C11orf65: variants seen among roughly 807,000 people sequenced by gnomAD.
The protein encoded by C11orf65 is protein MFI.
Under a neutral mutation model 35.3 loss-of-function variants are expected in C11orf65, and 38 were observed. That is an observed-to-expected ratio of 1.08 (90% CI 0.83 to 1.41). The LOEUF (loss-of-function observed/expected upper bound fraction) is 1.41, where lower values mean the gene tolerates loss of function less well. Among genes scored for constraint, C11orf65 ranks in the 40% most tolerant of loss-of-function variants. The probability of loss-of-function intolerance (pLI) is 0.00; values close to 1 mark genes in which losing one functional copy is unlikely to be tolerated. For missense variants in C11orf65, 370 were observed against 367.1 expected (o/e 1.01, Z -0.06); for synonymous variants, 105 against 114.4 (o/e 0.92, Z 0.53).
At chr11:108,433,670 A>T (rs1294631682) in intron 2 of C11orf65, among the ~76,000 whole-genome samples, 6 of 152,226 alleles carry the variant, frequency 3.9e-5, no homozygotes, top group Non-Finnish European at 8.8e-5. Flanking sequence ...TTATCTTGGA[A>T]GTCACAGCAA....
At chr11:108,423,969 C>G (rs541124304) in intron 3 of C11orf65, among the ~76,000 whole-genome samples, 1 of 152,176 alleles carries the variant, frequency 6.6e-6, no homozygotes, top group African/African-American at 2.4e-5. Context: ...CACTAAAAGG[C>G]AGAAAATTCC....
intron 8 of C11orf65, among the ~76,000 whole-genome samples, chr11:108,384,004 A>G (rs1343730814): frequency 6.6e-6 from 1 of 151,976 alleles, no homozygotes; most frequent in African/African-American, 2.4e-5. Flanking sequence ...CAAGGACTAC[A>G]GGTGTATGCC....
intron 2 of C11orf65, among the ~76,000 whole-genome samples, chr11:108,460,139 A>C (rs2093456064): frequency 6.6e-6 from 1 of 152,144 alleles, no homozygotes; most frequent in African/African-American, 2.4e-5. Flanking sequence ...GTTAGAAATC[A>C]ACATAGTTAT....
chr11:108,331,469 A>T lies in C11orf65; in HGVS notation c.*81T>A, dbSNP rs1555123994. ...AGAGACGGAATGAAGATTCCAACATATAAATTTTTGCCTCTTATGTACCAA... is the reference window on the plus strand; with the variant it reads ...AGAGACGGAATGAAGATTCCAACATTTAAATTTTTGCCTCTTATGTACCAA... On this transcript the variant is annotated 3_prime_UTR_variant, in exon 4 of 4. Coordinates refer to the C11orf65 transcript ENST00000524755. 6.2e-7 allele frequency: 1 copy of T among 1,613,494 alleles called. No homozygotes were observed.
At chr11:108,448,327 A>G (rs564615632) in intron 2 of C11orf65, among the ~76,000 whole-genome samples, 1 of 152,284 alleles carries the variant, frequency 6.6e-6, no homozygotes, top group African/African-American at 2.4e-5. Context: ...CAGAGACACA[A>G]CCGAAAAAGA....
intron 8 of C11orf65, among the ~76,000 whole-genome samples, 197 bp downstream of exon 8, chr11:108,385,723 A>T (rs2091979261): frequency 6.6e-6 from 1 of 152,178 alleles, no homozygotes; most frequent in Non-Finnish European, 1.5e-5. Flanking sequence ...CACTTTATTC[A>T]AACTTAAATA....
intron 1 of C11orf65, among the ~76,000 whole-genome samples, chr11:108,465,995 AAACAAC>A (rs1223328038): frequency 1.0e-5 from 1 of 99,430 alleles, no homozygotes; most frequent in Non-Finnish European, 2.0e-5. Context: ...AAAAAAAAAA[AAACAAC>A]AACAACAACA....
downstream of C11orf65, among the ~76,000 whole-genome samples, chr11:108,379,368 A>G (rs568593420): frequency 6.6e-6 from 1 of 151,822 alleles, no homozygotes; most frequent in Non-Finnish European, 1.5e-5. Flanking sequence ...TCAGTAAACT[A>G]TCGCAGGACA....
intron 6 of C11orf65, among the ~76,000 whole-genome samples, chr11:108,321,589 C>G (rs1591109040): frequency 6.6e-6 from 1 of 152,208 alleles, no homozygotes; most frequent in East Asian, 1.9e-4. Context: ...TCAAGACCAG[C>G]CTGGCCAACA....
At chr11:108,309,824 C>T (rs1326799936) in intron 6 of C11orf65, among the ~76,000 whole-genome samples, 1 of 152,040 alleles carries the variant, frequency 6.6e-6, no homozygotes, top group Non-Finnish European at 1.5e-5. Flanking sequence ...TTTGTATTAG[C>T]TATTCTGTGT....
chr11:108,449,502 CT>C (rs1411943796), intron 2 of C11orf65, among the ~76,000 whole-genome samples: 1 of 151,986 alleles, frequency 6.6e-6, no homozygotes, highest in African/African-American at 2.4e-5. Context: ...ACCATCTGCT[CT>C]TTGACAAACC....
At chr11:108,420,480 CTCAG>C (rs1353045882) in intron 3 of C11orf65, among the ~76,000 whole-genome samples, 1 of 152,164 alleles carries the variant, frequency 6.6e-6, no homozygotes, top group Non-Finnish European at 1.5e-5. Context: ...CCACATTCTG[CTCAG>C]TCACTGGACA....
chr11:108,330,092 T>C (rs2086094046), downstream of C11orf65: 1 of 982,076 alleles, frequency 1.0e-6, no homozygotes, highest in Non-Finnish European at 1.6e-6. Flanking sequence ...TCCTTAGAAG[T>C]TTGCTTTTTT....
chr11:108,310,069 A>AGTC (rs1204554731), intron 6 of C11orf65: 1 of 1,346,342 alleles, frequency 7.4e-7, no homozygotes, highest in East Asian at 2.4e-5. Context: ...TCTGTTAAGC[A>AGTC]GTCACTACCA....
chr11:108,402,559 ATT>A (rs10714374), intron 6 of C11orf65, among the ~76,000 whole-genome samples: 161 of 148,644 alleles, frequency 1.1e-3, no homozygotes, highest in Non-Finnish European at 1.4e-3. Flanking sequence ...CAGGTTTTTA[ATT>A]TTTTTTTTTT....
At chr11:108,468,672 G>A (rs1194053213), upstream of C11orf65, among the ~76,000 whole-genome samples, 6 of 152,138 alleles carry the variant, frequency 3.9e-5, no homozygotes, top group African/African-American at 1.4e-4. Flanking sequence ...CATAAGCAAG[G>A]GGTGAGCTTC....
intron 3 of C11orf65, chr11:108,332,670 A>G: frequency 2.9e-6 from 4 of 1,360,964 alleles, no homozygotes; most frequent in Non-Finnish European, 4.1e-6. Context: ...AGATTTGTGC[A>G]TAAATTCTGT....
intron 2 of C11orf65, among the ~76,000 whole-genome samples, chr11:108,444,503 G>A (rs1175952305): frequency 1.3e-5 from 2 of 152,136 alleles, no homozygotes; most frequent in Non-Finnish European, 2.9e-5. Flanking sequence ...AAGCCTGGCA[G>A]AGACACAACA....
Position 108,345,810 on chromosome 11 carries a change from C to T in C11orf65, c.227-10518G>A, listed in dbSNP as rs938431501. The T allele has an allele frequency of 1.2e-6, 2 of 1,613,814 alleles. No homozygotes were observed. Among genetic ancestry groups the T allele is most frequent in the Admixed American group, 1.7e-5 (1 of 60,002 alleles). On this transcript the variant is annotated intron_variant, in intron 2 of 3. Coordinates refer to the C11orf65 transcript ENST00000524755. ...ATGGATGTTTGCCAAAATTTTCAAC[C>T]AGTTTTCCGTTACTTCTGCATGGAA...
Sources: gnomAD v4.1 joint callset for allele counts (sites outside exome capture counted in the v4.1 genomes callset) on GRCh38, gnomAD v4.1.1 for gene constraint, MANE v1.5 for transcripts, NCBI Gene and HGNC (gene_info 2026-07-23, HGNC 2026-07-21) for gene names.